Variants in EYA4 observed in about 807,000 individuals in gnomAD.
The protein encoded by EYA4 is protein phosphatase EYA4.
EYA4 carries 31 observed loss-of-function variants against 87.9 expected under a neutral mutation model. That is an observed-to-expected ratio of 0.35 (90% CI 0.27 to 0.48). The LOEUF (loss-of-function observed/expected upper bound fraction) is 0.48, where lower values mean the gene tolerates loss of function less well. Ranked by LOEUF, EYA4 falls within the 20% of genes least tolerant of loss-of-function variation. The pLI is 0.99. For missense variants in EYA4, 678 were observed against 761.4 expected, an observed-to-expected ratio of 0.89 and a Z score of 1.29; for synonymous variants, 263 against 270.6, an observed-to-expected ratio of 0.97 and a Z score of 0.28.
At chr6:133,489,631 A>G (rs1174979456) in intron 13 of EYA4, among the ~76,000 whole-genome samples, 2 of 152,138 alleles carry the variant, frequency 1.3e-5, no homozygotes, top group African/African-American at 2.4e-5. Context: ...TAAAAAAAAA[A>G]ACCATATTTA....
chr6:133,390,546 A>C (rs1787170156), intron 3 of EYA4, among the ~76,000 whole-genome samples: 1 of 152,160 alleles, frequency 6.6e-6, no homozygotes, highest in Non-Finnish European at 1.5e-5. Context: ...TTACTCTGTT[A>C]AATGTTGCTT....
intron 2 of EYA4, among the ~76,000 whole-genome samples, chr6:133,289,234 C>T (rs893577579): frequency 2.0e-5 from 3 of 152,138 alleles, no homozygotes; most frequent in South Asian, 2.1e-4. Context: ...TTTAAGAGAA[C>T]GTGGATATCC....
At chr6:133,488,099 T>C (rs77434274) in intron 13 of EYA4, among the ~76,000 whole-genome samples, 3,263 of 152,244 alleles carry the variant, frequency 0.021, 102 homozygotes, top group African/African-American at 0.073. Context: ...AGCTACACAT[T>C]ACTTGCCATG....
intron 2 of EYA4, among the ~76,000 whole-genome samples, chr6:133,301,809 G>GT (rs573235816): frequency 7.9e-5 from 12 of 152,182 alleles, no homozygotes; most frequent in Non-Finnish European, 1.6e-4. Context: ...TATGTGACAT[G>GT]TTTTTGCCAG....
intron 2 of EYA4, 42 bp from the exon 3 acceptor site, chr6:133,382,347 AAGT>A: frequency 1.5e-6 from 2 of 1,354,322 alleles, no homozygotes; most frequent in Non-Finnish European, 2.1e-6. Context: ...CTGAGTGAGG[AAGT>A]TGTATTTTCA....
At chr6:133,457,327 C>T (rs968782562) in intron 6 of EYA4, among the ~76,000 whole-genome samples, 9 of 152,082 alleles carry the variant, frequency 5.9e-5, no homozygotes, top group African/African-American at 1.9e-4. Context: ...AATATTTCTT[C>T]GGCTTTTTAT....
At chr6:133,496,079 A>C (rs1797626742) in intron 13 of EYA4, among the ~76,000 whole-genome samples, 2 of 152,186 alleles carry the variant, frequency 1.3e-5, no homozygotes, top group South Asian at 4.1e-4. Context: ...TCAGTTCCCT[A>C]ATGTCATCAG....
intron 2 of EYA4, among the ~76,000 whole-genome samples, chr6:133,290,613 A>G (rs551613427): frequency 3.9e-5 from 6 of 152,308 alleles, no homozygotes; most frequent in Admixed American, 6.5e-5. Context: ...ATTTGTTTCA[A>G]TTAAATGCCT....
intron 3 of EYA4, among the ~76,000 whole-genome samples, chr6:133,417,620 T>A (rs1273386483): frequency 6.6e-6 from 1 of 152,166 alleles, no homozygotes; most frequent in African/African-American, 2.4e-5. Context: ...ACAACCCTCA[T>A]ACATATACCT....
chr6:133,292,756 A>C lies in EYA4; in HGVS notation c.33+17943A>C, dbSNP rs192328322. Among the ~76,000 whole-genome samples, 3 of 152,352 alleles carry C rather than the reference A, an allele frequency of 2.0e-5. No individual in the cohort carries two copies. In the East Asian group the frequency reaches 5.8e-4, roughly 29 times the overall value. On this transcript the variant is annotated intron_variant, in intron 2 of 19. Transcript: ENST00000355286. Reference sequence around the variant, plus strand: ...ATTTTTGTCTCAGATGTCTAGATGCATATTTATACCCCCAGAAATTTGAAT... The same window carrying C: ...ATTTTTGTCTCAGATGTCTAGATGCCTATTTATACCCCCAGAAATTTGAAT...
At chr6:133,375,667 G>A (rs868626503) in intron 2 of EYA4, among the ~76,000 whole-genome samples, 5 of 151,780 alleles carry the variant, frequency 3.3e-5, no homozygotes, top group Non-Finnish European at 4.4e-5. Context: ...ATAAGGGCCA[G>A]TCAATTGAGA....
chr6:133,283,712 G>T (rs1426264709), intron 2 of EYA4, among the ~76,000 whole-genome samples: 1 of 152,082 alleles, frequency 6.6e-6, no homozygotes. Context: ...GTACAAGTGT[G>T]GTTTTGTTAC....
At chr6:133,373,180 C>G (rs926824102) in intron 2 of EYA4, among the ~76,000 whole-genome samples, 1 of 151,846 alleles carries the variant, frequency 6.6e-6, no homozygotes, top group African/African-American at 2.4e-5. Context: ...GTAACTATGC[C>G]TGTGGCCAAA....
At chr6:133,491,497 G>A (rs1325559771) in intron 13 of EYA4, among the ~76,000 whole-genome samples, 1 of 152,134 alleles carries the variant, frequency 6.6e-6, no homozygotes, top group African/African-American at 2.4e-5. Flanking sequence ...GAAATTCCAA[G>A]TATTCTTAGA....
intron 18 of EYA4, 128 bp from the exon 19 acceptor site, chr6:133,525,026 T>A: frequency 6.2e-7 from 1 of 1,613,528 alleles, no homozygotes; most frequent in Non-Finnish European, 8.5e-7. Context: ...CAAGGAAAGC[T>A]GTTTTGAGCG....
intron 2 of EYA4, among the ~76,000 whole-genome samples, chr6:133,314,783 A>T (rs1208912588): frequency 6.6e-6 from 1 of 152,300 alleles, no homozygotes; most frequent in Middle Eastern, 3.4e-3. Context: ...CTGTTAAAAC[A>T]TGTTTAGCTC....
intron 11 of EYA4, among the ~76,000 whole-genome samples, chr6:133,475,616 A>G (rs184356266): frequency 6.6e-6 from 1 of 152,138 alleles, no homozygotes; most frequent in Admixed American, 6.6e-5. Context: ...ATGGAAACTA[A>G]CAAGAGGATT....
chr6:133,503,586 T>C (rs1037307123), intron 13 of EYA4, among the ~76,000 whole-genome samples: 1 of 152,164 alleles, frequency 6.6e-6, no homozygotes, highest in African/African-American at 2.4e-5. Flanking sequence ...GAATTATATG[T>C]TTTCATGCTA....
chr6:133,256,160 A>G (rs540127746), intron 1 of EYA4, among the ~76,000 whole-genome samples: 9 of 151,374 alleles, frequency 5.9e-5, no homozygotes, highest in Admixed American at 6.6e-5. Context: ...ATACTCCACT[A>G]TGATTAGGAT....
Sources: gnomAD v4.1 joint callset for allele counts (sites outside exome capture counted in the v4.1 genomes callset) on GRCh38, gnomAD v4.1.1 for gene constraint, MANE v1.5 for transcripts, NCBI Gene and HGNC (gene_info 2026-07-23, HGNC 2026-07-21) for gene names.